The following ATG10 variants were observed in gnomAD, a reference collection of about 807,000 sequenced individuals.
ATG10 encodes the protein ubiquitin-like-conjugating enzyme ATG10.
ATG10 carries 30 observed loss-of-function variants against 32.1 expected under a neutral mutation model. The observed-to-expected ratio is 0.94, with a 90% CI of 0.70 to 1.27. ATG10 has a LOEUF of 1.27. Among genes scored for constraint, ATG10 ranks in the 50% most tolerant of loss-of-function variants. The pLI, the probability that ATG10 is intolerant of heterozygous loss-of-function variation, is 0.00. For missense variants in ATG10, 233 were observed against 262.3 expected (o/e 0.89, Z 0.77); for synonymous variants, 87 against 91.5 (o/e 0.95, Z 0.28).
At chr5:82,034,029 A>G (rs1762831378) in intron 2 of ATG10, among the ~76,000 whole-genome samples, 1 of 148,626 alleles carries the variant, frequency 6.7e-6, no homozygotes, top group Non-Finnish European at 1.5e-5. Context: ...ATACATATAT[A>G]AAATATACAC....
intron 2 of ATG10, among the ~76,000 whole-genome samples, chr5:82,056,429 G>GTTTTTT (rs375167558): frequency 2.4e-5 from 3 of 125,390 alleles, no homozygotes; most frequent in African/African-American, 6.0e-5. Context: ...TGGCTGCCAG[G>GTTTTTT]TTTTTTTTTT....
chr5:82,095,438 T>A (rs1765025275), intron 3 of ATG10, among the ~76,000 whole-genome samples: 1 of 152,146 alleles, frequency 6.6e-6, no homozygotes, highest in African/African-American at 2.4e-5. Flanking sequence ...ATAAGAATAG[T>A]TTTTACCAGG....
intron 3 of ATG10, among the ~76,000 whole-genome samples, chr5:82,150,023 A>C (rs1767526999): frequency 8.0e-6 from 1 of 124,626 alleles, no homozygotes; most frequent in South Asian, 3.1e-4. Flanking sequence ...AAAAAAGTTA[A>C]ATTCATGTAT....
intron 5 of ATG10, among the ~76,000 whole-genome samples, chr5:82,191,621 C>T (rs1304393973): frequency 6.6e-6 from 1 of 152,158 alleles, no homozygotes; most frequent in East Asian, 1.9e-4. Flanking sequence ...GGAATTAGAA[C>T]TCAGATGCCA....
chr5:81,986,641 C>T (rs1199337204), intron 1 of ATG10, among the ~76,000 whole-genome samples: 1 of 151,902 alleles, frequency 6.6e-6, no homozygotes, highest in East Asian at 1.9e-4. Context: ...GCCTTGAAGC[C>T]AAACAGGGGT....
chr5:82,250,762 A>T (rs764984805), intron 5 of ATG10, among the ~76,000 whole-genome samples: 1 of 152,200 alleles, frequency 6.6e-6, no homozygotes, highest in Non-Finnish European at 1.5e-5. Flanking sequence ...AACATTGTTT[A>T]TCTAAGAGAT....
chr5:82,132,000 AG>A (rs1766557859), intron 3 of ATG10, among the ~76,000 whole-genome samples: 1 of 152,086 alleles, frequency 6.6e-6, no homozygotes, highest in South Asian at 2.1e-4. Flanking sequence ...ACATTTAACA[AG>A]ATCTTGTGGG....
chr5:82,027,960 A>C (rs1762641099), intron 2 of ATG10, among the ~76,000 whole-genome samples: 1 of 152,252 alleles, frequency 6.6e-6, no homozygotes, highest in South Asian at 2.1e-4. Context: ...TCTGCAAAGC[A>C]ACAAGAAAAA....
chr5:82,006,112 CAGT>C (rs1277427627), intron 2 of ATG10, among the ~76,000 whole-genome samples: 1 of 151,986 alleles, frequency 6.6e-6, no homozygotes, highest in African/African-American at 2.4e-5. Flanking sequence ...TTCTTCTTTT[CAGT>C]AGCTTTTCTC....
Position 82,178,495 on chromosome 5 carries a change from A to C in ATG10, c.361A>C (p.Arg121=), listed in dbSNP as rs1395112337. ...LYFRASFLDG[R]PLTLKDIWEG... is the part of the protein sequence containing the mutation. ...TTTACCATGCACTTTCACAGATGGG[A>C]GACCTTTAACTCTGAAGGACATATG... Residue 121 remains arginine, a synonymous_variant, in exon 5 of 8, where the codon AGA becomes CGA. Coordinates refer to ENST00000282185, the MANE Select transcript of ATG10 (RefSeq NM_031482.5). 1 of 1,603,404 alleles carries C rather than the reference A, an allele frequency of 6.2e-7. No homozygotes were observed. The highest frequency in any genetic ancestry group is 1.3e-5 in the African/African-American group (1 of 74,764).
At chr5:82,058,473 A>T (rs751662053) in intron 2 of ATG10, 22 bp from the exon 3 acceptor site, 1 of 1,526,052 alleles carries the variant, frequency 6.6e-7, no homozygotes, top group Non-Finnish European at 9.0e-7. Context: ...TTTCTTATAT[A>T]TTTTTTGGTG....
intron 1 of ATG10, among the ~76,000 whole-genome samples, chr5:81,979,577 G>A (rs565989246): frequency 2.0e-4 from 31 of 152,176 alleles, no homozygotes; most frequent in African/African-American, 7.0e-4. Context: ...GCTAAGATAC[G>A]AAGTGTAAAT....
chr5:82,103,324 T>A (rs1333671021), intron 3 of ATG10, among the ~76,000 whole-genome samples: 1 of 152,202 alleles, frequency 6.6e-6, no homozygotes, highest in Non-Finnish European at 1.5e-5. Context: ...AATTGTTGAT[T>A]TCTTTTGTAT....
chr5:82,102,681 A>G (rs1765320399), intron 3 of ATG10, among the ~76,000 whole-genome samples: 1 of 152,216 alleles, frequency 6.6e-6, no homozygotes, highest in South Asian at 2.1e-4. Flanking sequence ...AAGACCAGCC[A>G]CACATAAATT....
chr5:82,129,062 C>G (rs1289926311), intron 3 of ATG10, among the ~76,000 whole-genome samples: 8 of 151,410 alleles, frequency 5.3e-5, no homozygotes. Context: ...TTCTTTTTCT[C>G]TAATCTTGTC....
At chr5:82,168,906 T>C (rs1743685034) in intron 4 of ATG10, among the ~76,000 whole-genome samples, 1 of 151,626 alleles carries the variant, frequency 6.6e-6, no homozygotes, top group African/African-American at 2.4e-5. Flanking sequence ...AAGATGGGGG[T>C]TGGAGGAAGC....
intron 3 of ATG10, among the ~76,000 whole-genome samples, chr5:82,096,352 C>T (rs987845083): frequency 6.6e-6 from 1 of 152,180 alleles, no homozygotes; most frequent in South Asian, 2.1e-4. Context: ...TTGTAAGTCT[C>T]ACAGATATAT....
intron 3 of ATG10, among the ~76,000 whole-genome samples, chr5:82,066,743 T>C (rs897147709): frequency 4.6e-5 from 7 of 152,208 alleles, no homozygotes; most frequent in African/African-American, 1.7e-4. Flanking sequence ...CTAAGGATTT[T>C]ATTAGGTGGC....
chr5:82,009,798 G>A lies in ATG10; in HGVS notation c.108+22120G>A, dbSNP rs1762079166. On this transcript the variant is annotated intron_variant, in intron 2 of 7. Coordinates refer to ENST00000282185, the MANE Select transcript of ATG10 (RefSeq NM_031482.5). ...TGTGTTGGGTCCAGCATTTGCCATG[G>A]ACAAGATGCCAGGACCTGTATGCTT... 7.5e-6 allele frequency: 12 copies of A among 1,607,386 alleles called. No individual in the cohort carries two copies. The East Asian group carries it at 2.7e-4, about 36-fold the overall frequency.
Sources: allele counts gnomAD v4.1 joint callset (sites outside exome capture counted in the v4.1 genomes callset), GRCh38; gene constraint gnomAD v4.1.1; transcripts MANE v1.5; gene names NCBI Gene and HGNC (gene_info 2026-07-23, HGNC 2026-07-21).